Variants in ZNF414 observed in about 807,000 individuals in gnomAD.
The protein encoded by ZNF414 is zinc finger protein 414.
ZNF414 carries 32 observed loss-of-function variants against 38.3 expected under a neutral mutation model. That is an observed-to-expected ratio of 0.83 (90% confidence interval 0.63 to 1.12). ZNF414 has a LOEUF of 1.12. Among genes scored for constraint, ZNF414 ranks in the 50% most tolerant of loss-of-function variants. The probability of loss-of-function intolerance (pLI) is 0.00; values close to 1 mark genes in which losing one functional copy is unlikely to be tolerated. For synonymous variants in ZNF414, 256 were observed against 248.0 expected, an observed-to-expected ratio of 1.03 and a Z score of -0.30; for missense variants, 589 against 557.4, an observed-to-expected ratio of 1.06 and a Z score of -0.57.
Position 8,510,090 on chromosome 19 carries a change from A to C in ZNF414, c.*601T>G, listed in dbSNP as rs931625244. 2 of 151,606 alleles carry C rather than the reference A, an allele frequency of 1.3e-5. No homozygotes were observed. Among genetic ancestry groups the C allele is most frequent in the East Asian group, 4.0e-4 (2 of 5,010 alleles). 9.4% of individuals were successfully genotyped at this position (151,606 alleles called of 1,614,324 possible). A position where few individuals can be genotyped will look rare whatever the true frequency, so the allele number is the denominator to read the frequency against. ...CGGATCATGAGGTCAGGAGATCGAG[A>C]CCATCCTGGCTAACGCGGTGAAACT... On this transcript the variant is annotated 3_prime_UTR_variant, in exon 8 of 8. Transcript: ENST00000393927.
intron 4 of ZNF414, 192 bp from the exon 5 acceptor site, chr19:8,512,152 G>C: frequency 2.6e-6 from 3 of 1,174,232 alleles, no homozygotes; most frequent in Non-Finnish European, 3.4e-6. Context: ...CCGGAAAGAA[G>C]TCTCAATTTT....
At chr19:8,510,801 G>A (rs1315085173) in intron 7 of ZNF414, 37 bp from the exon 8 acceptor site, 14 of 1,511,328 alleles carry the variant, frequency 9.3e-6, no homozygotes, top group African/African-American at 1.4e-5. Context: ...CTGAGCCTCA[G>A]CGCCTTGGGC....
At chr19:8,511,595 A>G in intron 5 of ZNF414, 22 bp downstream of exon 5, 1 of 1,524,510 alleles carries the variant, frequency 6.6e-7, no homozygotes, top group Non-Finnish European at 8.8e-7. Context: ...GCCCTCCTGG[A>G]GGCCCCCGAC....
chr19:8,510,419 A>C lies in ZNF414; in HGVS notation c.*272T>G. 2 of 315,090 alleles carry C rather than the reference A, an allele frequency of 6.3e-6. No homozygotes were observed. Among genetic ancestry groups the C allele is most frequent in the Non-Finnish European group, 5.8e-6 (1 of 172,022 alleles). 19.5% of individuals were successfully genotyped at this position (315,090 alleles called of 1,614,324 possible). Reference sequence around the variant, plus strand: ...ACCTCAACCACAGCTGGAGGTGGGGACCTGGGTCCCAGGATTGGGGTGATG... The same window carrying C: ...ACCTCAACCACAGCTGGAGGTGGGGCCCTGGGTCCCAGGATTGGGGTGATG... On this transcript the variant is annotated 3_prime_UTR_variant, in exon 8 of 8. Transcript: ENST00000393927.
In ZNF414 at chr19:8,513,303, GGCCA is replaced by G. The variant is rs747689595; in HGVS notation, c.38_41del (p.Leu13ProfsTer72). The G allele has an allele frequency of 6.3e-7, 1 of 1,596,670 alleles. No homozygotes were observed. The highest frequency in any genetic ancestry group is 8.5e-7 in the Non-Finnish European group (1 of 1,178,796). Reference sequence around the variant, plus strand: ...TCTCACTGGAGCTGGGCTCTGCAGTGGCCAGCATGTCTGGGATGGGCCCTGAGGG... The same window carrying G: ...TCTCACTGGAGCTGGGCTCTGCAGTGGCATGTCTGGGATGGGCCCTGAGGG... On this transcript the variant is annotated frameshift_variant, in exon 2 of 8. Coordinates refer to ENST00000393927, the MANE Select transcript of ZNF414 (RefSeq NM_001146175.2). LOFTEE classifies it high-confidence loss of function.
At chr19:8,511,100 C>G in intron 6 of ZNF414, 76 bp from the exon 7 acceptor site, 1 of 1,285,596 alleles carries the variant, frequency 7.8e-7, no homozygotes. Context: ...TGGAGGACGC[C>G]GGCGAGGGTG....
At chr19:8,512,234 C>A in intron 4 of ZNF414, 153 bp downstream of exon 4, 1 of 1,445,820 alleles carries the variant, frequency 6.9e-7, no homozygotes, top group Admixed American at 2.6e-5. Context: ...GTATGCCCCG[C>A]CCCATCCAGG....
In ZNF414 at chr19:8,510,308, GAAAAAAAA is replaced by G. The variant is rs534955424; in HGVS notation, c.*375_*382del. On this transcript the variant is annotated 3_prime_UTR_variant, in exon 8 of 8. Transcript: ENST00000393927. ...GTCTCAAAAAAGAAAAAAAAAAAAA[GAAAAAAAA>G]AAAAAAAGAAAACTGGAGAGTCCCC... The G allele has an allele frequency of 9.9e-6, 1 of 101,070 alleles. No homozygotes were observed. Among genetic ancestry groups the G allele is most frequent in the Non-Finnish European group, 2.1e-5 (1 of 47,314 alleles). 6.3% of individuals were successfully genotyped at this position (101,070 alleles called of 1,614,324 possible). A position where few individuals can be genotyped will look rare whatever the true frequency, so the allele number is the denominator to read the frequency against.
chr19:8,512,261 T>C, intron 4 of ZNF414, 126 bp downstream of exon 4: 2 of 1,463,708 alleles, frequency 1.4e-6, no homozygotes, highest in Non-Finnish European at 1.8e-6. Context: ...AGGGCGGGGC[T>C]TCCCCAAAGG....
At chr19:8,512,047 G>T in intron 4 of ZNF414, 87 bp from the exon 5 acceptor site, 1 of 1,388,608 alleles carries the variant, frequency 7.2e-7, no homozygotes, top group Non-Finnish European at 9.3e-7. Context: ...CCCTTCGAGC[G>T]TGGGAACGGA....
chr19:8,513,395 C>A lies in ZNF414; in HGVS notation c.4-54G>T. ...CTTCTGGGCTCTGGGTCAACCCAGT[C>A]GGCCCCCATCCTAAGGAATCACCAG... On this transcript the variant is annotated intron_variant, in intron 1 of 7. Transcript: ENST00000393927. 2.0e-6 allele frequency: 3 copies of A among 1,490,278 alleles called. No homozygotes were observed. In the South Asian group the frequency reaches 3.8e-5, roughly 19 times the overall value. The allele number at this position is 1,490,278 out of a possible 1,614,324, so 92.3% of individuals were successfully genotyped here.
Position 8,514,078 on chromosome 19 carries a change from G to A in ZNF414, c.-32C>T, listed in dbSNP as rs1971956853. ...CACGGCTCGGCCTCTTGTTTCTGCG[G>A]CTCCGGCGGCTGCAGCTTAGGCGGC... On this transcript the variant is annotated 5_prime_UTR_variant, in exon 1 of 8. Coordinates refer to ENST00000393927, the MANE Select transcript of ZNF414 (RefSeq NM_001146175.2). 1 of 1,465,144 alleles carries A rather than the reference G, an allele frequency of 6.8e-7. No homozygotes were observed. Among genetic ancestry groups the A allele is most frequent in the Non-Finnish European group, 9.0e-7 (1 of 1,109,296 alleles). 90.8% of individuals were successfully genotyped at this position (1,465,144 alleles called of 1,614,324 possible). A position where few individuals can be genotyped will look rare whatever the true frequency, so the allele number is the denominator to read the frequency against.
In ZNF414 at chr19:8,511,164, C is replaced by T; in HGVS notation, c.926-140G>A. On this transcript the variant is annotated intron_variant, in intron 6 of 7. Transcript: ENST00000393927. ...CTTCCGGGCGCCTAGTTCAGTTTCT[C>T]CCGGGTCTGTCTGCCCCTAGAGTTG... is the stretch of plus-strand genomic sequence containing the variant. 3 of 1,301,052 alleles carry T rather than the reference C, an allele frequency of 2.3e-6. No homozygotes were observed. The East Asian group carries it at 9.4e-5, about 41-fold the overall frequency. 80.6% of individuals were successfully genotyped at this position (1,301,052 alleles called of 1,614,324 possible).
intron 1 of ZNF414, 126 bp from the exon 2 acceptor site, chr19:8,513,467 T>A: frequency 1.1e-6 from 1 of 935,324 alleles, no homozygotes; most frequent in Non-Finnish European, 1.5e-6. Flanking sequence ...GCTCTTTTTT[T>A]CTTTTTATAA....
intron 2 of ZNF414, 47 bp downstream of exon 2, chr19:8,512,982 A>T: frequency 7.0e-7 from 1 of 1,427,952 alleles, no homozygotes; most frequent in Non-Finnish European, 9.2e-7. Flanking sequence ...TCTCGCTTCT[A>T]TTGTTTCAGG....
Position 8,511,496 on chromosome 19 carries a change from G to C in ZNF414, c.915C>G (p.Asp305Glu), listed in dbSNP as rs760218543. 5.0e-6 allele frequency: 8 copies of C among 1,610,112 alleles called. No homozygotes were observed. Among genetic ancestry groups the C allele is most frequent in the Non-Finnish European group, 6.8e-6 (8 of 1,178,640 alleles). Reference sequence around the variant, plus strand: ...GTCACCTGCACGCACCTGAGGGCGCGTCGGAGCCGCCCTGGGGTCTTCGGG... The same window carrying C: ...GTCACCTGCACGCACCTGAGGGCGCCTCGGAGCCGCCCTGGGGTCTTCGGG... ...SSPRRPQGGS[D>E]APSGHAAPSR... Residue 305 changes from aspartate to glutamate, a missense_variant, in exon 6 of 8, where the codon GAC (aspartate) becomes GAG (glutamate). By Grantham distance (45) the Asp-to-Glu change is conservative. Transcript: ENST00000393927.
rs1479242479 is a variant in ZNF414, at chr19:8,511,848, G to T, written c.643C>A (p.Arg215=). 2 of 1,401,908 alleles carry T rather than the reference G, an allele frequency of 1.4e-6. No individual in the cohort carries two copies. Among genetic ancestry groups the T allele is most frequent in the Non-Finnish European group, 1.8e-6 (2 of 1,086,256 alleles). 86.8% of individuals were successfully genotyped at this position (1,401,908 alleles called of 1,614,324 possible). The change falls in exon 5 of 8, where the codon CGA becomes AGA. Residue 215 remains arginine (R), a synonymous_variant. Coordinates refer to ENST00000393927, the MANE Select transcript of ZNF414 (RefSeq NM_001146175.2). ...GGGCGCTCCGGCGCGGGCGGCTCTC[G>T]GTCCAGGGCCGGGGGTGGCGGCGGG... The part of the protein sequence containing the change: ...PAPPPPPALD[R]EPPAPERPPE...
intron 1 of ZNF414, among the ~76,000 whole-genome samples, chr19:8,513,609 G>A (rs1971949576): frequency 6.6e-6 from 1 of 152,168 alleles, no homozygotes; most frequent in Non-Finnish European, 1.5e-5. Flanking sequence ...AGCTCCTTAT[G>A]CATACGGGAG....
rs570672953 is a variant in ZNF414 at position 8,510,561 on chromosome 19, G to A, written c.*130C>T. On this transcript the variant is annotated 3_prime_UTR_variant, in exon 8 of 8. Transcript: ENST00000393927. ...AGCCCACTATGCTTTGGATGGACAA[G>A]GGATGGGAACACAGCATAGGCTGGC... 7.9e-5 allele frequency: 85 copies of A among 1,075,766 alleles called. No individual in the cohort carries two copies. The African/African-American group carries it at 1.3e-3, about 17-fold the overall frequency. 66.6% of individuals were successfully genotyped at this position (1,075,766 alleles called of 1,614,324 possible).
Sources: gnomAD v4.1 joint callset for allele counts (sites outside exome capture counted in the v4.1 genomes callset) on GRCh38, gnomAD v4.1.1 for gene constraint, MANE v1.5 for transcripts, NCBI Gene and HGNC (gene_info 2026-07-23, HGNC 2026-07-21) for gene names.